ADCK1: variants seen among roughly 807,000 people sequenced by gnomAD.
ADCK1 encodes the protein aarF domain containing kinase 1.
ADCK1 carries 41 observed loss-of-function variants against 52.3 expected under a neutral mutation model. That is an observed-to-expected ratio of 0.78 (90% CI 0.61 to 1.02). The LOEUF is 1.02. Ranked by LOEUF, ADCK1 falls within the 50% of genes least tolerant of loss-of-function variation. The pLI is 0.00. For synonymous variants in ADCK1, 250 were observed against 274.6 expected, an observed-to-expected ratio of 0.91 and a Z score of 0.89; for missense variants, 658 against 679.5, an observed-to-expected ratio of 0.97 and a Z score of 0.35.
chr14:77,927,870 C>T (rs942494491), intron 9 of ADCK1, among the ~76,000 whole-genome samples: 1 of 152,186 alleles, frequency 6.6e-6, no homozygotes, highest in African/African-American at 2.4e-5. Context: ...TTAAAAGCCA[C>T]GGGAAGATGT....
rs765805787 is a variant in ADCK1, at chr14:77,925,968, G to T, written c.1206+7G>T. 6.2e-7 allele frequency: 1 copy of T among 1,613,570 alleles called. No individual in the cohort carries two copies. The highest frequency in any genetic ancestry group is 8.5e-7 in the Non-Finnish European group (1 of 1,180,046). ...TCCCGTCACTGCCACTGAGGTAGGG[G>T]GCCCCTCCAGGCCCTGCCTCTTCCT... On this transcript the variant is annotated splice_region_variant and intron_variant, in intron 9 of 10. Transcript: ENST00000238561.
chr14:77,811,101 G>A (rs905430739), intron 1 of ADCK1, among the ~76,000 whole-genome samples: 1 of 151,966 alleles, frequency 6.6e-6, no homozygotes, highest in Non-Finnish European at 1.5e-5. Flanking sequence ...AAGGAGAAAG[G>A]GTAGGGTTAA....
intron 3 of ADCK1, among the ~76,000 whole-genome samples, chr14:77,830,224 G>A (rs1230550655): frequency 1.3e-5 from 2 of 150,910 alleles, no homozygotes; most frequent in East Asian, 3.9e-4. Context: ...GGCAACCTCC[G>A]TTCACTGCAA....
chr14:77,933,793 C>A lies in ADCK1; in HGVS notation c.*402C>A, dbSNP rs1005783990. ...CATGGTCTCTGAATTTGACAGAGAA[C>A]ACCTTCCCTTTCCTTGCCATGTCAC... On this transcript the variant is annotated 3_prime_UTR_variant, in exon 11 of 11. Coordinates refer to ENST00000238561, the MANE Select transcript of ADCK1 (RefSeq NM_020421.4). 1 of 182,500 alleles carries A rather than the reference C, an allele frequency of 5.5e-6. No individual in the cohort carries two copies. The highest frequency in any genetic ancestry group is 2.3e-5 in the African/African-American group (1 of 42,966). The allele number at this position is 182,500 out of a possible 1,614,324, so 11.3% of individuals were successfully genotyped here.
At chr14:77,870,693 T>C (rs1233315559) in intron 4 of ADCK1, among the ~76,000 whole-genome samples, 1 of 152,206 alleles carries the variant, frequency 6.6e-6, no homozygotes, top group South Asian at 2.1e-4. Flanking sequence ...GGTTGGGCAG[T>C]GAGTCAGGAG....
intron 4 of ADCK1, among the ~76,000 whole-genome samples, chr14:77,880,595 A>G (rs1306525144): frequency 6.6e-6 from 1 of 152,194 alleles, no homozygotes; most frequent in Non-Finnish European, 1.5e-5. Context: ...GTTGAGTGGG[A>G]CAGAGGTCCA....
intron 4 of ADCK1, among the ~76,000 whole-genome samples, chr14:77,862,478 T>C (rs1161451542): frequency 6.6e-6 from 1 of 151,840 alleles, no homozygotes; most frequent in African/African-American, 2.4e-5. Context: ...AGACTGGGGG[T>C]CTTTCTGCTC....
At chr14:77,815,564 G>T (rs1594862316) in intron 1 of ADCK1, among the ~76,000 whole-genome samples, 1 of 147,358 alleles carries the variant, frequency 6.8e-6, no homozygotes, top group Non-Finnish European at 1.5e-5. Context: ...CTGTGGCCCA[G>T]ACTGGAGTGC....
At chr14:77,890,383 T>TA (rs1321666940) in intron 5 of ADCK1, among the ~76,000 whole-genome samples, 2 of 152,206 alleles carry the variant, frequency 1.3e-5, no homozygotes, top group Non-Finnish European at 2.9e-5. Flanking sequence ...GGCTGGGTTC[T>TA]AAGAGCAAGT....
Position 77,827,553 on chromosome 14 carries a change from G to A in ADCK1, c.219+5035G>A, listed in dbSNP as rs138826831. ...TGGATTCTTGGAGAAGCATACTGGG[G>A]TTATTTTTTTTTCTTTTTCTTTTTT... On this transcript the variant is annotated intron_variant, in intron 3 of 10. Coordinates refer to ENST00000238561, the MANE Select transcript of ADCK1 (RefSeq NM_020421.4). Among the ~76,000 whole-genome samples, 203 of 151,808 alleles carry A rather than the reference G, an allele frequency of 1.3e-3. 1 individual carries two copies. Among genetic ancestry groups the A allele is most frequent in the African/African-American group, 4.4e-3 (183 of 41,374 alleles).
At chr14:77,902,049 A>C (rs1187977514) in intron 6 of ADCK1, among the ~76,000 whole-genome samples, 2 of 152,202 alleles carry the variant, frequency 1.3e-5, no homozygotes, top group Non-Finnish European at 2.9e-5. Flanking sequence ...ATCAGGGAAA[A>C]GGGACTCTCT....
rs113103938 is a variant in ADCK1, at chr14:77,821,607, G to A, written c.136-828G>A. Reference sequence around the variant, plus strand: ...AAGACTTATGCTATTAGGGCCAGGCGCGGTGGCTCATGCCTGTAATCCCAG... The same window carrying A: ...AAGACTTATGCTATTAGGGCCAGGCACGGTGGCTCATGCCTGTAATCCCAG... On this transcript the variant is annotated intron_variant, in intron 2 of 10. Coordinates refer to ENST00000238561, the MANE Select transcript of ADCK1 (RefSeq NM_020421.4). Among the ~76,000 whole-genome samples, 209 of 152,048 alleles carry A rather than the reference G, an allele frequency of 1.4e-3. 1 individual carries two copies. Among genetic ancestry groups the A allele is most frequent in the African/African-American group, 4.5e-3 (186 of 41,482 alleles).
intron 1 of ADCK1, among the ~76,000 whole-genome samples, chr14:77,808,810 A>G (rs141045021): frequency 3.3e-5 from 5 of 152,106 alleles, no homozygotes; most frequent in Non-Finnish European, 7.4e-5. Context: ...TCCTGACCTC[A>G]GGTGATCCAC....
At chr14:77,853,593 G>A (rs8008978) in intron 3 of ADCK1, among the ~76,000 whole-genome samples, 34,988 of 152,046 alleles carry the variant, frequency 0.23, 4,079 homozygotes, top group Middle Eastern at 0.33. Context: ...CATTACTGAC[G>A]CAAGGCCCTT....
intron 1 of ADCK1, among the ~76,000 whole-genome samples, chr14:77,801,934 C>G (rs1219221389): frequency 6.6e-6 from 1 of 151,950 alleles, no homozygotes; most frequent in Non-Finnish European, 1.5e-5. Context: ...GAGCAAGACT[C>G]CGTCTAAAAA....
At chr14:77,899,076 A>G (rs910016909) in intron 5 of ADCK1, 24 bp from the exon 6 acceptor site, 10 of 1,612,590 alleles carry the variant, frequency 6.2e-6, no homozygotes, top group Non-Finnish European at 8.5e-6. Flanking sequence ...GGGCCAAATG[A>G]CTGGGGTGCT....
intron 4 of ADCK1, among the ~76,000 whole-genome samples, chr14:77,861,111 C>T (rs1268404246): frequency 2.0e-5 from 3 of 152,186 alleles, no homozygotes; most frequent in Non-Finnish European, 4.4e-5. Flanking sequence ...CACCCCCTGC[C>T]GATTAGCCCT....
In ADCK1 at chr14:77,928,681, C is replaced by T. The variant is rs1192774028; in HGVS notation, c.1206+2720C>T. ...TTCGCCATGTTGGCCAAGATGGTCT[C>T]GATCTCCTGACCTTGTGATACACCC... is the stretch of plus-strand genomic sequence containing the variant. On this transcript the variant is annotated intron_variant, in intron 9 of 10. Coordinates refer to ENST00000238561, the MANE Select transcript of ADCK1 (RefSeq NM_020421.4). 3.3e-5 allele frequency among the ~76,000 whole-genome samples: 5 copies of T among 152,072 alleles called. No individual in the cohort carries two copies. The East Asian group carries it at 7.7e-4, about 23-fold the overall frequency.
At chr14:77,850,100 G>T (rs951319011) in intron 3 of ADCK1, among the ~76,000 whole-genome samples, 14 of 152,218 alleles carry the variant, frequency 9.2e-5, no homozygotes, top group Admixed American at 8.5e-4. Context: ...TCAGCTACTG[G>T]GGAGGCCAAA....
Sources: allele counts gnomAD v4.1 joint callset (sites outside exome capture counted in the v4.1 genomes callset), GRCh38; gene constraint gnomAD v4.1.1; transcripts MANE v1.5; gene names NCBI Gene and HGNC (gene_info 2026-07-23, HGNC 2026-07-21).